ST6GALNAC3: variants seen among roughly 807,000 people sequenced by gnomAD.
The protein encoded by ST6GALNAC3 is ST6 N-acetylgalactosaminide alpha-2,6-sialyltransferase 3, also known as alpha-N-acetylgalactosaminide alpha-2,6-sialyltransferase 3.
ST6GALNAC3 carries 25 observed loss-of-function variants against 32.7 expected under a neutral mutation model. That is an observed-to-expected ratio of 0.76 (90% CI 0.56 to 1.07). The LOEUF (loss-of-function observed/expected upper bound fraction) is 1.07. Among genes scored for constraint, ST6GALNAC3 ranks in the 50% least tolerant of loss-of-function variants. The pLI is 0.00. For missense variants in ST6GALNAC3, 355 were observed against 382.4 expected (o/e 0.93, Z 0.60); for synonymous variants, 129 against 133.1 (o/e 0.97, Z 0.21).
rs1384125027 is a variant in ST6GALNAC3 at position 76,596,048 on chromosome 1, A to G, written c.624-31404A>G. Among the ~76,000 whole-genome samples, 3 of 152,112 alleles carry G rather than the reference A, an allele frequency of 2.0e-5. No individual in the cohort carries two copies. In the East Asian group the frequency reaches 5.8e-4, roughly 29 times the overall value. On this transcript the variant is annotated intron_variant, in intron 3 of 4. Coordinates refer to ENST00000328299, the MANE Select transcript of ST6GALNAC3 (RefSeq NM_152996.4). ...CTTTTTATAAGCTCCCCAGGTGACT[A>G]TAATGCGCGGCCAAGGCTGGGAACC...
chr1:76,547,219 A>T (rs1209610958), intron 3 of ST6GALNAC3, among the ~76,000 whole-genome samples: 1 of 152,244 alleles, frequency 6.6e-6, no homozygotes, highest in Admixed American at 6.5e-5. Flanking sequence ...TTGCCAAAAG[A>T]GTATATGATC....
intron 1 of ST6GALNAC3, among the ~76,000 whole-genome samples, chr1:76,222,724 C>G (rs1237617183): frequency 1.3e-5 from 2 of 151,950 alleles, no homozygotes; most frequent in East Asian, 3.9e-4. Context: ...AACAGCCCCT[C>G]TAGAAAGTGA....
rs574926250 is a variant in ST6GALNAC3, at chr1:76,610,651, C to T, written c.624-16801C>T. 3.3e-5 allele frequency among the ~76,000 whole-genome samples: 5 copies of T among 152,048 alleles called. No homozygotes were observed. In the East Asian group the frequency reaches 9.7e-4, roughly 29 times the overall value. On this transcript the variant is annotated intron_variant, in intron 3 of 4. Transcript: ENST00000328299. ...GTTTTAAAAACACTTTCTTTGAGGCCGTGTTGAGAGAATGTTGGACATTTA... is the reference window on the plus strand; with the variant it reads ...GTTTTAAAAACACTTTCTTTGAGGCTGTGTTGAGAGAATGTTGGACATTTA...
chr1:76,146,501 C>G (rs1650689807), intron 1 of ST6GALNAC3, among the ~76,000 whole-genome samples: 2 of 152,078 alleles, frequency 1.3e-5, no homozygotes, highest in Admixed American at 1.3e-4. Flanking sequence ...ACGGCTCCTC[C>G]CCTCCTCCTT....
chr1:76,075,191 C>G (rs928672171), intron 1 of ST6GALNAC3, among the ~76,000 whole-genome samples: 1 of 152,070 alleles, frequency 6.6e-6, no homozygotes, highest in Non-Finnish European at 1.5e-5. Context: ...GAGGGGTGTT[C>G]CCGCGGGTCC....
At chr1:76,588,547 G>C (rs762232092) in intron 3 of ST6GALNAC3, among the ~76,000 whole-genome samples, 21 of 152,198 alleles carry the variant, frequency 1.4e-4, no homozygotes, top group Non-Finnish European at 1.9e-4. Flanking sequence ...TTGGCCATTT[G>C]CCTGTGTATC....
At chr1:76,338,203 C>A (rs1647664061) in intron 2 of ST6GALNAC3, among the ~76,000 whole-genome samples, 1 of 152,018 alleles carries the variant, frequency 6.6e-6, no homozygotes, top group African/African-American at 2.4e-5. Flanking sequence ...AAAAAGTCTG[C>A]CAGGAGAGGA....
At chr1:76,267,956 C>T (rs1658627545) in intron 1 of ST6GALNAC3, among the ~76,000 whole-genome samples, 1 of 152,174 alleles carries the variant, frequency 6.6e-6, no homozygotes, top group Admixed American at 6.5e-5. Flanking sequence ...TTCTCACATC[C>T]ATCTAACTGA....
At chr1:76,453,971 G>A (rs916418927) in intron 3 of ST6GALNAC3, among the ~76,000 whole-genome samples, 3 of 152,064 alleles carry the variant, frequency 2.0e-5, no homozygotes, top group South Asian at 2.1e-4. Flanking sequence ...AGTGTCAGAT[G>A]CATATATTCT....
chr1:76,282,104 A>G lies in ST6GALNAC3; in HGVS notation c.19-31701A>G, dbSNP rs1018146943. 3.3e-5 allele frequency among the ~76,000 whole-genome samples: 5 copies of G among 152,124 alleles called. 1 individual carries two copies. In the South Asian group the frequency reaches 8.3e-4, roughly 25 times the overall value. On this transcript the variant is annotated intron_variant, in intron 1 of 4. Coordinates refer to ENST00000328299, the MANE Select transcript of ST6GALNAC3 (RefSeq NM_152996.4). ...TATAGTTGTCTTTTATGAGGAGACA[A>G]GAATTATATGTGTTCCTTGTTTTTT...
intron 3 of ST6GALNAC3, among the ~76,000 whole-genome samples, chr1:76,483,595 G>A (rs1659887493): frequency 6.6e-6 from 1 of 151,782 alleles, no homozygotes; most frequent in East Asian, 1.9e-4. Context: ...TTGTAAATTT[G>A]AGTTCTTTGT....
At chr1:76,565,203 C>T (rs1665483353) in intron 3 of ST6GALNAC3, among the ~76,000 whole-genome samples, 2 of 152,274 alleles carry the variant, frequency 1.3e-5, no homozygotes, top group Admixed American at 6.5e-5. Context: ...ACTGAGGACA[C>T]ACCCCTTTAA....
intron 1 of ST6GALNAC3, among the ~76,000 whole-genome samples, chr1:76,092,644 A>G (rs997702234): frequency 1.3e-5 from 2 of 152,224 alleles, no homozygotes; most frequent in African/African-American, 4.8e-5. Flanking sequence ...CCCCATGCTT[A>G]GAAGGGCCCC....
At chr1:76,360,972 G>T (rs1049375702) in intron 2 of ST6GALNAC3, among the ~76,000 whole-genome samples, 46 of 152,100 alleles carry the variant, frequency 3.0e-4, no homozygotes, top group Admixed American at 3.9e-4. Flanking sequence ...AAGGAGTGAA[G>T]GCCAGGGTTT....
intron 3 of ST6GALNAC3, among the ~76,000 whole-genome samples, chr1:76,506,171 C>A (rs1212450198): frequency 6.6e-6 from 1 of 152,118 alleles, no homozygotes; most frequent in Non-Finnish European, 1.5e-5. Context: ...AATCTTGAGG[C>A]CCTTGCAAAT....
At chr1:76,350,320 C>G (rs1040292644) in intron 2 of ST6GALNAC3, among the ~76,000 whole-genome samples, 2 of 152,038 alleles carry the variant, frequency 1.3e-5, no homozygotes, top group East Asian at 1.9e-4. Context: ...CATCACTGTC[C>G]CTAGCACAAA....
At chr1:76,164,971 G>A (rs889214590) in intron 1 of ST6GALNAC3, among the ~76,000 whole-genome samples, 7 of 152,108 alleles carry the variant, frequency 4.6e-5, no homozygotes, top group African/African-American at 1.4e-4. Context: ...TTAAGTTCAG[G>A]GGTACATGTG....
intron 3 of ST6GALNAC3, among the ~76,000 whole-genome samples, chr1:76,554,579 A>G (rs1026809692): frequency 1.3e-5 from 2 of 152,190 alleles, no homozygotes; most frequent in African/African-American, 2.4e-5. Context: ...TCCTTGAGAC[A>G]TGTGACTTGA....
At chr1:76,223,591 T>G (rs1344732896) in intron 1 of ST6GALNAC3, among the ~76,000 whole-genome samples, 1 of 152,172 alleles carries the variant, frequency 6.6e-6, no homozygotes, top group African/African-American at 2.4e-5. Context: ...AATGTGCTTT[T>G]AGAAGTATCC....
Sources: allele counts gnomAD v4.1 joint callset (sites outside exome capture counted in the v4.1 genomes callset), GRCh38; gene constraint gnomAD v4.1.1; transcripts MANE v1.5; gene names NCBI Gene and HGNC (gene_info 2026-07-23, HGNC 2026-07-21).